CHSY1: variants seen among roughly 807,000 people sequenced by gnomAD.
The protein encoded by CHSY1 is N-acetylgalactosaminyl-proteoglycan 3-beta-glucuronosyltransferase 1.
Under a neutral mutation model 59.8 loss-of-function variants are expected in CHSY1, and 13 were observed. The observed-to-expected ratio is 0.22, with a 90% CI of 0.14 to 0.35. CHSY1 has a LOEUF of 0.35. Ranked by LOEUF, CHSY1 falls within the 10% of genes least tolerant of loss-of-function variation. The pLI, the probability that CHSY1 is intolerant of heterozygous loss-of-function variation, is 1.00. For synonymous variants in CHSY1, 459 were observed against 401.2 expected, an observed-to-expected ratio of 1.14 and a Z score of -1.72; for missense variants, 947 against 1,030.6, an observed-to-expected ratio of 0.92 and a Z score of 1.11.
intron 2 of CHSY1, among the ~76,000 whole-genome samples, chr15:101,190,501 C>G (rs2141246569): frequency 6.6e-6 from 1 of 152,316 alleles, no homozygotes; most frequent in South Asian, 2.1e-4. Context: ...AAAGGCAAAA[C>G]TGCAAAACTC....
chr15:101,229,535 T>A (rs912425021), intron 2 of CHSY1, among the ~76,000 whole-genome samples: 1 of 152,084 alleles, frequency 6.6e-6, no homozygotes, highest in East Asian at 1.9e-4. Context: ...CATATATACA[T>A]CCCAAAACAC....
intron 1 of CHSY1, among the ~76,000 whole-genome samples, chr15:101,247,852 G>A (rs761925132): frequency 6.6e-6 from 1 of 152,048 alleles, no homozygotes; most frequent in African/African-American, 2.4e-5. Context: ...TAGTGTGGAC[G>A]GGCATATCTC....
intron 2 of CHSY1, among the ~76,000 whole-genome samples, chr15:101,186,947 T>C (rs571304945): frequency 1.3e-5 from 2 of 152,370 alleles, no homozygotes; most frequent in South Asian, 4.1e-4. Flanking sequence ...ACAAATCCTC[T>C]GAAGCCCAGC....
At chr15:101,208,198 TC>T (rs1217718166) in intron 2 of CHSY1, among the ~76,000 whole-genome samples, 5 of 152,046 alleles carry the variant, frequency 3.3e-5, no homozygotes, top group African/African-American at 9.7e-5. Flanking sequence ...ATGCACATTT[TC>T]CCCTGGTCAG....
intron 2 of CHSY1, among the ~76,000 whole-genome samples, chr15:101,184,581 A>T (rs113265589): frequency 0.021 from 3,214 of 151,954 alleles, 49 homozygotes; most frequent in East Asian, 0.1. Flanking sequence ...AACTCCTGGG[A>T]TCAAGCAATC....
At chr15:101,239,224 A>G (rs2038977538) in intron 1 of CHSY1, among the ~76,000 whole-genome samples, 1 of 152,252 alleles carries the variant, frequency 6.6e-6, no homozygotes, top group Non-Finnish European at 1.5e-5. Flanking sequence ...ACTCATGTAC[A>G]ATAAGTAACT....
At chr15:101,223,334 GA>G in intron 2 of CHSY1, among the ~76,000 whole-genome samples, 1 of 152,302 alleles carries the variant, frequency 6.6e-6, no homozygotes, top group Non-Finnish European at 1.5e-5. Context: ...AATAAATCCG[GA>G]GTTACAGTTC....
chr15:101,246,185 T>C (rs1467056289), intron 1 of CHSY1, among the ~76,000 whole-genome samples: 1 of 152,170 alleles, frequency 6.6e-6, no homozygotes, highest in East Asian at 1.9e-4. Flanking sequence ...TTGTTCAATC[T>C]TGGCGCAAAG....
intron 2 of CHSY1, among the ~76,000 whole-genome samples, chr15:101,209,219 A>G (rs1267404293): frequency 1.3e-5 from 2 of 152,254 alleles, no homozygotes; most frequent in Non-Finnish European, 2.9e-5. Flanking sequence ...TACAAAGAGA[A>G]CACAGCAACG....
intron 2 of CHSY1, among the ~76,000 whole-genome samples, chr15:101,219,433 G>A (rs1355029516): frequency 1.3e-5 from 2 of 152,202 alleles, no homozygotes; most frequent in African/African-American, 2.4e-5. Context: ...GCAGCTTCAC[G>A]AGGATGCATC....
chr15:101,251,211 G>T lies in CHSY1; in HGVS notation c.246C>A (p.Arg82=), dbSNP rs1360747375. Residue 82 remains arginine, a synonymous_variant, in exon 1 of 3, where the codon CGC becomes CGA. Transcript: ENST00000254190. ...CTCCCACGAAGAGAAAGTTCCTGTC[G>T]CGCGGGCCGCCATCTGGGTCCGAGC... ...PPGSDPDGGP[R]DRNFLFVGVM... is the part of the protein sequence containing the mutation. 1.3e-6 allele frequency: 2 copies of T among 1,595,034 alleles called. No individual in the cohort carries two copies. The highest frequency in any genetic ancestry group is 1.7e-5 in the Admixed American group (1 of 59,074).
intron 2 of CHSY1, among the ~76,000 whole-genome samples, chr15:101,219,827 C>T (rs1387621570): frequency 1.3e-5 from 2 of 152,190 alleles, no homozygotes; most frequent in African/African-American, 4.8e-5. Flanking sequence ...AGTGCAATGG[C>T]GTGATCTTGG....
chr15:101,179,791 C>A (rs1359447286), intron 2 of CHSY1, among the ~76,000 whole-genome samples: 1 of 152,238 alleles, frequency 6.6e-6, no homozygotes, highest in African/African-American at 2.4e-5. Context: ...TGCCTCCGCC[C>A]CGTGGCGCAG....
intron 2 of CHSY1, among the ~76,000 whole-genome samples, chr15:101,230,262 C>G (rs185415675): frequency 5.3e-5 from 8 of 152,150 alleles, no homozygotes; most frequent in African/African-American, 9.7e-5. Flanking sequence ...ATAGAACATG[C>G]AGCATTAGTG....
At chr15:101,189,701 CCTGA>C (rs2038419653) in intron 2 of CHSY1, 2 of 152,542 alleles carry the variant, frequency 1.3e-5, no homozygotes. Flanking sequence ...TTCATCTACA[CCTGA>C]CTTTTTGTAG....
At chr15:101,233,717 G>C (rs1173981911) in intron 2 of CHSY1, among the ~76,000 whole-genome samples, 1 of 152,160 alleles carries the variant, frequency 6.6e-6, no homozygotes, top group Non-Finnish European at 1.5e-5. Context: ...ATGTATCTTT[G>C]TGACTTTGTA....
intron 1 of CHSY1, among the ~76,000 whole-genome samples, chr15:101,237,261 T>C (rs956862968): frequency 2.8e-5 from 4 of 144,574 alleles, no homozygotes; most frequent in Admixed American, 1.4e-4. Context: ...GAGGCAAATG[T>C]GCAAGGCCTG....
intron 2 of CHSY1, among the ~76,000 whole-genome samples, chr15:101,190,160 T>G (rs528920549): frequency 6.7e-6 from 1 of 148,276 alleles, no homozygotes; most frequent in South Asian, 2.1e-4. Context: ...CACAGCTACC[T>G]CACAAAGGCA....
intron 1 of CHSY1, among the ~76,000 whole-genome samples, chr15:101,249,378 C>T: frequency 7.9e-6 from 1 of 126,820 alleles, no homozygotes. Context: ...GGCTGTTTCT[C>T]TGGTCAAAAA....
Sources: allele counts gnomAD v4.1 joint callset (sites outside exome capture counted in the v4.1 genomes callset), GRCh38; gene constraint gnomAD v4.1.1; transcripts MANE v1.5; gene names NCBI Gene and HGNC (gene_info 2026-07-23, HGNC 2026-07-21).